The following UGGT2 variants were observed in gnomAD, a reference collection of about 807,000 sequenced individuals.
UGGT2 encodes the protein UDP-glucose:glycoprotein glucosyltransferase 2.
UGGT2 carries 180 observed loss-of-function variants against 192.1 expected under a neutral mutation model. That is an observed-to-expected ratio of 0.94 (90% CI 0.83 to 1.06). The LOEUF is 1.06. Ranked by LOEUF, UGGT2 falls within the 50% of genes least tolerant of loss-of-function variation. The pLI is 0.00. For synonymous variants in UGGT2, 580 were observed against 591.0 expected, an observed-to-expected ratio of 0.98 and a Z score of 0.27; for missense variants, 1,849 against 1,795.7, an observed-to-expected ratio of 1.03 and a Z score of -0.54.
intron 17 of UGGT2, among the ~76,000 whole-genome samples, chr13:95,928,614 C>T (rs1280430958): frequency 3.3e-5 from 5 of 150,980 alleles, no homozygotes; most frequent in South Asian, 4.2e-4. Flanking sequence ...GGGGCAAAGG[C>T]GCTCCCCACA....
chr13:95,936,614 G>T (rs754533815), intron 17 of UGGT2, among the ~76,000 whole-genome samples: 2 of 152,228 alleles, frequency 1.3e-5, no homozygotes, highest in Non-Finnish European at 2.9e-5. Context: ...ATGGAGCTGG[G>T]AAACCTCCTT....
At chr13:95,943,094 G>A (rs1594397853) in intron 15 of UGGT2, among the ~76,000 whole-genome samples, 2 of 151,972 alleles carry the variant, frequency 1.3e-5, no homozygotes, top group African/African-American at 4.8e-5. Context: ...GTCTTTCCCT[G>A]AACCAATACC....
At chr13:95,878,101 T>C (rs1024872776) in intron 27 of UGGT2, among the ~76,000 whole-genome samples, 2 of 151,800 alleles carry the variant, frequency 1.3e-5, no homozygotes, top group Admixed American at 6.6e-5. Flanking sequence ...TGCACCAATA[T>C]AACCAAGCAG....
intron 1 of UGGT2, among the ~76,000 whole-genome samples, chr13:96,039,012 T>C (rs2053088149): frequency 6.6e-6 from 1 of 152,142 alleles, no homozygotes; most frequent in East Asian, 1.9e-4. Context: ...AGGCATAGGA[T>C]GGACACTCTA....
At chr13:95,843,780 T>C (rs1888110928) in intron 36 of UGGT2, among the ~76,000 whole-genome samples, 1 of 152,082 alleles carries the variant, frequency 6.6e-6, no homozygotes, top group South Asian at 2.1e-4. Context: ...ACCGGCCATA[T>C]ATGGGGTCTA....
At chr13:96,045,970 A>T (rs2053298451) in intron 1 of UGGT2, among the ~76,000 whole-genome samples, 1 of 152,184 alleles carries the variant, frequency 6.6e-6, no homozygotes, top group African/African-American at 2.4e-5. Context: ...ATTCTTCACA[A>T]AACTAGAAAA....
chr13:96,027,931 T>A (rs1035830842), intron 2 of UGGT2, among the ~76,000 whole-genome samples: 3 of 152,220 alleles, frequency 2.0e-5, no homozygotes, highest in Non-Finnish European at 4.4e-5. Flanking sequence ...CAACTTAATA[T>A]TCTCCTGGCT....
intron 30 of UGGT2, among the ~76,000 whole-genome samples, chr13:95,864,863 T>A (rs1479999586): frequency 6.6e-6 from 1 of 152,204 alleles, no homozygotes; most frequent in South Asian, 2.1e-4. Flanking sequence ...AGAAAGGGTA[T>A]GAAAAATAAT....
chr13:95,819,946 C>T (rs1018201451), intron 38 of UGGT2, among the ~76,000 whole-genome samples: 16 of 152,022 alleles, frequency 1.1e-4, no homozygotes, highest in African/African-American at 3.4e-4. Context: ...TCACTTGAGG[C>T]CAGGAGTTTA....
At chr13:95,811,149 G>A (rs965774640) in intron 38 of UGGT2, among the ~76,000 whole-genome samples, 7 of 152,050 alleles carry the variant, frequency 4.6e-5, no homozygotes, top group African/African-American at 1.4e-4. Flanking sequence ...TATACCTCTG[G>A]TGGAAATGTA....
At chr13:95,887,083 G>A (rs1459958791) in intron 26 of UGGT2, among the ~76,000 whole-genome samples, 1 of 151,976 alleles carries the variant, frequency 6.6e-6, no homozygotes, top group Non-Finnish European at 1.5e-5. Context: ...AAAAAGTTCT[G>A]CTCAAGGCAA....
chr13:95,801,686 A>T lies in UGGT2; in HGVS notation c.*104T>A. Reference sequence around the variant, plus strand: ...TTTAAAATTAAAGAATATGTCACTGATCTTAACGAGACTTCCAAATCGTCT... The same window carrying T: ...TTTAAAATTAAAGAATATGTCACTGTTCTTAACGAGACTTCCAAATCGTCT... On this transcript the variant is annotated 3_prime_UTR_variant, in exon 39 of 39. Transcript: ENST00000376747. The T allele has an allele frequency of 1.7e-6, 2 of 1,163,006 alleles. No individual in the cohort carries two copies. Among genetic ancestry groups the T allele is most frequent in the Non-Finnish European group, 2.5e-6 (2 of 803,404 alleles). 72.0% of individuals were successfully genotyped at this position (1,163,006 alleles called of 1,614,324 possible).
Position 95,975,513 on chromosome 13 carries a change from T to C in UGGT2, c.1093-2842A>G, listed in dbSNP as rs183089431. Among the ~76,000 whole-genome samples, 8 of 152,322 alleles carry C rather than the reference T, an allele frequency of 5.3e-5. No homozygotes were observed. In the South Asian group the frequency reaches 6.2e-4, roughly 12 times the overall value. On this transcript the variant is annotated intron_variant, in intron 10 of 38. Transcript: ENST00000376747. ...TACTATATTTATAGTCCAAAAAACTTAGATTTTTGTATTTAAAGTGCAATG... is the reference window on the plus strand; with the variant it reads ...TACTATATTTATAGTCCAAAAAACTCAGATTTTTGTATTTAAAGTGCAATG...
intron 5 of UGGT2, among the ~76,000 whole-genome samples, chr13:96,001,625 G>A (rs1203604872): frequency 1.3e-5 from 2 of 152,094 alleles, no homozygotes; most frequent in African/African-American, 2.4e-5. Context: ...AGAACCACTT[G>A]GGAGAACATT....
intron 5 of UGGT2, among the ~76,000 whole-genome samples, chr13:96,002,733 T>C (rs538375082): frequency 6.6e-6 from 1 of 152,330 alleles, no homozygotes; most frequent in African/African-American, 2.4e-5. Context: ...ATTGAGAATG[T>C]GAAGAACACT....
intron 12 of UGGT2, among the ~76,000 whole-genome samples, chr13:95,950,572 G>A: frequency 8.0e-6 from 1 of 124,418 alleles, no homozygotes. Context: ...AAGAGAAAAG[G>A]ACCAAATATT....
At position 95,986,387 on chromosome 13, in the gene UGGT2, T is replaced by C. The variant is rs754835810; in HGVS notation, c.977A>G (p.Tyr326Cys). ...AASQIMSAPVYDSIKLMKDIS... is the reference protein window; with the variant it reads ...AASQIMSAPVCDSIKLMKDIS... ...GTCTTTCATTAATTTAATGGAATCA[T>C]AAACTGGAGCGGACATTATTTGAGA... The change falls in exon 9 of 39, where the codon TAT becomes TGT. Residue 326 changes from tyrosine to cysteine, a missense_variant. Physicochemically the swap from Tyr to Cys is radical, Grantham distance 194. Coordinates refer to ENST00000376747, the MANE Select transcript of UGGT2 (RefSeq NM_020121.4). 1.2e-6 allele frequency: 2 copies of C among 1,603,304 alleles called. No individual in the cohort carries two copies. Among genetic ancestry groups the C allele is most frequent in the South Asian group, 2.2e-5 (2 of 89,740 alleles).
chr13:95,905,423 G>C (rs1160910033), intron 20 of UGGT2, among the ~76,000 whole-genome samples: 1 of 151,956 alleles, frequency 6.6e-6, no homozygotes, highest in African/African-American at 2.4e-5. Flanking sequence ...GGTTTTTATG[G>C]TTTTAGGTCT....
At chr13:95,868,890 TTTTA>T (rs1397187489) in intron 29 of UGGT2, among the ~76,000 whole-genome samples, 10 of 152,204 alleles carry the variant, frequency 6.6e-5, no homozygotes, top group African/African-American at 1.7e-4. Flanking sequence ...ACTGTTTTTT[TTTTA>T]TTTATTATAC....
Sources: allele counts gnomAD v4.1 joint callset (sites outside exome capture counted in the v4.1 genomes callset), GRCh38; gene constraint gnomAD v4.1.1; transcripts MANE v1.5; gene names NCBI Gene and HGNC (gene_info 2026-07-23, HGNC 2026-07-21).